The following OOSP1 variants were observed in gnomAD, a reference collection of about 807,000 sequenced individuals.
OOSP1 encodes putative oocyte-secreted protein 1 homolog.
In OOSP1, 11 loss-of-function variants were observed where a neutral mutation model predicts 5.7. The ratio of observed to expected loss-of-function variants is 1.94; its 90% CI spans 1.22 to 3.20. OOSP1 has a LOEUF of 3.20. OOSP1 is among the 30% of genes most tolerant of loss of function. OOSP1 has a pLI of 0.00. For synonymous variants in OOSP1, 44 were observed against 20.0 expected (o/e 2.20, Z -3.20); for missense variants, 83 against 54.1 (o/e 1.53, Z -1.67).
intron 1 of OOSP1, among the ~76,000 whole-genome samples, chr11:59,942,194 C>T (rs1353585292): frequency 6.6e-6 from 1 of 152,158 alleles, no homozygotes; most frequent in Non-Finnish European, 1.5e-5. Flanking sequence ...CATGCCTACC[C>T]AGTCTCATAA....
intron 4 of OOSP1, among the ~76,000 whole-genome samples, chr11:59,955,186 T>C (rs1454668131): frequency 6.6e-6 from 1 of 152,152 alleles, no homozygotes; most frequent in Non-Finnish European, 1.5e-5. Context: ...TAGGACCCAA[T>C]ATTATATAGA....
exon 2 of OOSP1, chr11:59,942,973 C>A (rs1007827066): frequency 1.4e-6 from 1 of 702,862 alleles, no homozygotes; most frequent in Non-Finnish European, 2.6e-6. Flanking sequence ...CATGTTTTGC[C>A]AAATGTCTAC....
chr11:59,944,330 G>A lies in OOSP1; in HGVS notation c.259-839G>A, dbSNP rs147371848. Among the ~76,000 whole-genome samples the A allele has an allele frequency of 3.7e-3, 495 of 132,476 alleles. 2 individuals carry two copies. Among genetic ancestry groups the A allele is most frequent in the African/African-American group, 0.013 (469 of 35,532 alleles). 86.9% of individuals were successfully genotyped at this position (132,476 alleles called of 152,430 possible). On this transcript the variant is annotated intron_variant, in intron 2 of 4. Coordinates refer to ENST00000646685, the Ensembl canonical transcript of OOSP1. ...CTAATACACCACAGCAGGTATTAGG[G>A]GGGCACTATCAACCTTGATATAAAC...
intron 1 of OOSP1, among the ~76,000 whole-genome samples, chr11:59,941,204 A>G (rs1853821197): frequency 6.6e-6 from 1 of 152,074 alleles, no homozygotes; most frequent in South Asian, 2.1e-4. Context: ...CACTCAGTGT[A>G]ATTCCTTGAA....
At chr11:59,943,673 T>C (rs1319991979) in intron 2 of OOSP1, among the ~76,000 whole-genome samples, 4 of 152,188 alleles carry the variant, frequency 2.6e-5, no homozygotes, top group Non-Finnish European at 5.9e-5. Flanking sequence ...GTTTGGTCAA[T>C]TGCGACCAGA....
chr11:59,939,625 T>A (rs1853804424), intron 1 of OOSP1, among the ~76,000 whole-genome samples: 1 of 150,820 alleles, frequency 6.6e-6, no homozygotes, highest in African/African-American at 2.4e-5. Flanking sequence ...TCCTCTTCCC[T>A]TTCTATTACT....
In OOSP1 at chr11:59,939,571, CT is replaced by C. The variant is rs1241684686; in HGVS notation, c.76+1044del. Among the ~76,000 whole-genome samples the C allele has an allele frequency of 4.7e-5, 7 of 148,326 alleles. No homozygotes were observed. The South Asian group carries it at 1.3e-3, about 27-fold the overall frequency. On this transcript the variant is annotated intron_variant, in intron 1 of 4. Transcript: ENST00000646685. ...TGAATGCTTTTTTCTGTTTTCTTTT[CT>C]TTCTCTCCTTCTCTCTTTTTCTTTT... is the stretch of plus-strand genomic sequence containing the variant.
chr11:59,942,723 C>T (rs1853842728), intron 1 of OOSP1, 124 bp from the exon 2 acceptor site: 2 of 580,826 alleles, frequency 3.4e-6, no homozygotes, highest in Non-Finnish European at 6.1e-6. Context: ...ACTTGTTCAC[C>T]TCTTAAGACA....
chr11:59,950,859 T>C (rs867533446), intron 4 of OOSP1, among the ~76,000 whole-genome samples: 14 of 151,862 alleles, frequency 9.2e-5, no homozygotes, highest in Admixed American at 9.2e-4. Context: ...CAGAAACTAG[T>C]GTATAAGATA....
intron 4 of OOSP1, chr11:59,948,909 C>G (rs1853913635): frequency 2.5e-6 from 1 of 395,938 alleles, no homozygotes; most frequent in Non-Finnish European, 4.5e-6. Flanking sequence ...TCTGAAAAAC[C>G]TAAATTGTGA....
At chr11:59,939,365 C>T (rs1192347738) in intron 1 of OOSP1, among the ~76,000 whole-genome samples, 2 of 151,828 alleles carry the variant, frequency 1.3e-5, no homozygotes, top group South Asian at 2.1e-4. Flanking sequence ...GATTCTTGTG[C>T]CTCAGCCTCC....
chr11:59,956,344 G>A (rs1853993763), intron 4 of OOSP1, among the ~76,000 whole-genome samples: 1 of 152,038 alleles, frequency 6.6e-6, no homozygotes, highest in African/African-American at 2.4e-5. Context: ...TCACGTGAGT[G>A]GCAGGGCTGC....
chr11:59,945,096 C>G, intron 2 of OOSP1, 73 bp from the exon 3 acceptor site: 1 of 687,794 alleles, frequency 1.5e-6, no homozygotes, highest in Non-Finnish European at 2.6e-6. Flanking sequence ...CTATAAATTC[C>G]TATTTAAATG....
chr11:59,945,262 C>T (rs1853869278), exon 3 of OOSP1: 1 of 702,820 alleles, frequency 1.4e-6, no homozygotes, highest in East Asian at 2.7e-5. Context: ...GTGTGTCGTC[C>T]ACAAGTGAGT....
intron 1 of OOSP1, among the ~76,000 whole-genome samples, chr11:59,939,057 T>C (rs963808869): frequency 2.0e-5 from 3 of 152,180 alleles, no homozygotes; most frequent in African/African-American, 7.2e-5. Context: ...AACCTCCTGT[T>C]CGGAGCAAAC....
chr11:59,945,055 A>T (rs1396998844), intron 2 of OOSP1, 114 bp from the exon 3 acceptor site: 3 of 644,654 alleles, frequency 4.7e-6, no homozygotes, highest in Non-Finnish European at 8.3e-6. Flanking sequence ...GTTGAGTGAG[A>T]GTGTGACCAT....
chr11:59,947,406 A>C (rs772101331), intron 3 of OOSP1, among the ~76,000 whole-genome samples: 2 of 152,164 alleles, frequency 1.3e-5, no homozygotes, highest in Non-Finnish European at 2.9e-5. Flanking sequence ...ATAGGCACCC[A>C]GCTATGGTGG....
intron 4 of OOSP1, among the ~76,000 whole-genome samples, chr11:59,956,804 G>T (rs1406565811): frequency 1.3e-5 from 2 of 152,070 alleles, no homozygotes; most frequent in Admixed American, 6.6e-5. Flanking sequence ...AACATACAAT[G>T]TTTGGTTTGC....
intron 4 of OOSP1, among the ~76,000 whole-genome samples, chr11:59,955,112 C>CA (rs560663616): frequency 2.6e-4 from 39 of 151,656 alleles, no homozygotes; most frequent in Admixed American, 5.9e-4. Flanking sequence ...GAAGAAAGCA[C>CA]AAAAAAACAC....
Sources: allele counts gnomAD v4.1 joint callset (sites outside exome capture counted in the v4.1 genomes callset), GRCh38; gene constraint gnomAD v4.1.1; transcripts MANE v1.5; gene names NCBI Gene and HGNC (gene_info 2026-07-23, HGNC 2026-07-21).